XCR1: variants seen among roughly 807,000 people sequenced by gnomAD.
XCR1 encodes chemokine XC receptor 1.
For missense variants in XCR1, 356 were observed against 424.2 expected (o/e 0.84, Z 1.41); for synonymous variants, 187 against 188.5 (o/e 0.99, Z 0.06).
At chr3:46,081,457 C>A (rs1480887566) in intron 1 of XCR1, among the ~76,000 whole-genome samples, 1 of 152,216 alleles carries the variant, frequency 6.6e-6, no homozygotes, top group Non-Finnish European at 1.5e-5. Context: ...CTGCCACAGT[C>A]TCAGAATACT....
At chr3:46,044,206 C>T (rs1697585100) in intron 5 of XCR1, among the ~76,000 whole-genome samples, 1 of 152,046 alleles carries the variant, frequency 6.6e-6, no homozygotes, top group African/African-American at 2.4e-5. Context: ...ATGTTGGTCT[C>T]AAACACCTGA....
intron 5 of XCR1, among the ~76,000 whole-genome samples, chr3:46,052,300 T>G (rs1460018930): frequency 6.6e-6 from 1 of 152,174 alleles, no homozygotes; most frequent in African/African-American, 2.4e-5. Flanking sequence ...AACCCATGCC[T>G]GAAACGGGGT....
chr3:46,035,100 GCT>G (rs1697398510), intron 5 of XCR1, among the ~76,000 whole-genome samples: 1 of 152,016 alleles, frequency 6.6e-6, no homozygotes, highest in Non-Finnish European at 1.5e-5. Flanking sequence ...GATTACAGGT[GCT>G]CACCACCACA....
chr3:46,051,093 CGGA>C (rs1327592245), intron 5 of XCR1, among the ~76,000 whole-genome samples: 1 of 152,124 alleles, frequency 6.6e-6, no homozygotes, highest in Non-Finnish European at 1.5e-5. Context: ...AGGGCTTAGG[CGGA>C]GGAGAAATAT....
chr3:46,042,186 A>C (rs574510946), intron 5 of XCR1, among the ~76,000 whole-genome samples: 1 of 152,230 alleles, frequency 6.6e-6, no homozygotes, highest in Non-Finnish European at 1.5e-5. Context: ...GCTCAGAGGG[A>C]AATTTATACT....
At chr3:46,024,561 T>C (rs1313229021) in intron 1 of XCR1, among the ~76,000 whole-genome samples, 1 of 152,244 alleles carries the variant, frequency 6.6e-6, no homozygotes, top group Non-Finnish European at 1.5e-5. Flanking sequence ...AAAACCTAAA[T>C]AATATGGTGG....
At chr3:46,073,672 T>G (rs1009832984) in intron 3 of XCR1, among the ~76,000 whole-genome samples, 1 of 152,108 alleles carries the variant, frequency 6.6e-6, no homozygotes, top group African/African-American at 2.4e-5. Context: ...TTGCGACTTA[T>G]GCATCTGACA....
chr3:46,053,075 A>T (rs1168657429), intron 5 of XCR1, among the ~76,000 whole-genome samples: 2 of 152,190 alleles, frequency 1.3e-5, no homozygotes, highest in Non-Finnish European at 2.9e-5. Flanking sequence ...GTCTGCACCC[A>T]GTTCTTGCCA....
intron 3 of XCR1, among the ~76,000 whole-genome samples, chr3:46,068,421 G>T (rs1385699271): frequency 6.6e-6 from 1 of 152,026 alleles, no homozygotes; most frequent in South Asian, 2.1e-4. Context: ...CCTTTCCATT[G>T]TTATGTTAAA....
chr3:46,023,396 A>C (rs1708207553), intron 1 of XCR1: 1 of 1,470,328 alleles, frequency 6.8e-7, no homozygotes, highest in Non-Finnish European at 9.5e-7. Flanking sequence ...ATTTCTTGTC[A>C]CAAAAAGGCT....
chr3:46,029,794 G>A (rs971877209), upstream of XCR1, among the ~76,000 whole-genome samples: 1 of 152,066 alleles, frequency 6.6e-6, no homozygotes, highest in Non-Finnish European at 1.5e-5. Context: ...CTTCCAATCC[G>A]GGAACACTGA....
At chr3:46,051,746 G>T (rs1401016558) in intron 5 of XCR1, among the ~76,000 whole-genome samples, 1 of 152,204 alleles carries the variant, frequency 6.6e-6, no homozygotes, top group Non-Finnish European at 1.5e-5. Flanking sequence ...ACTTGAATTG[G>T]CTGGGAGCGG....
At chr3:46,023,179 G>C in intron 1 of XCR1, 1 of 446,510 alleles carries the variant, frequency 2.2e-6, no homozygotes, top group Non-Finnish European at 3.9e-6. Flanking sequence ...TGAGGAGGAA[G>C]TGGAGAGATT....
intron 5 of XCR1, among the ~76,000 whole-genome samples, chr3:46,043,019 TA>T (rs1333137445): frequency 1.4e-5 from 2 of 146,224 alleles, no homozygotes; most frequent in Admixed American, 6.6e-5. Flanking sequence ...TGGTTCAATA[TA>T]AAAAAATCAA....
chr3:46,032,179 C>A (rs1003538251), upstream of XCR1, among the ~76,000 whole-genome samples: 2 of 152,244 alleles, frequency 1.3e-5, no homozygotes, highest in Non-Finnish European at 2.9e-5. Context: ...CCCCTGCTTG[C>A]CATATGGGCG....
At chr3:46,053,953 G>A (rs1190067057) in exon 5 of XCR1, among the ~76,000 whole-genome samples, 1 of 151,730 alleles carries the variant, frequency 6.6e-6, no homozygotes, top group Admixed American at 6.6e-5. Context: ...GACTCATCCC[G>A]GGCTCCCTGT....
intron 5 of XCR1, among the ~76,000 whole-genome samples, chr3:46,047,663 T>C (rs1035958862): frequency 1.3e-5 from 2 of 152,194 alleles, no homozygotes; most frequent in African/African-American, 2.4e-5. Context: ...CTTTCCTTCC[T>C]AGATAATGCC....
chr3:46,062,056 G>A lies in XCR1; in HGVS notation c.-183+4843C>T, dbSNP rs577983550. On this transcript the variant is annotated intron_variant, in intron 4 of 5. Coordinates refer to the XCR1 transcript ENST00000683768. Reference sequence around the variant, plus strand: ...GAGGTGTCAGCCAGACTCCAATTTGGACAGTGCCCATTACATACAGAAGAC... The same window carrying A: ...GAGGTGTCAGCCAGACTCCAATTTGAACAGTGCCCATTACATACAGAAGAC... 8.5e-5 allele frequency among the ~76,000 whole-genome samples: 13 copies of A among 152,274 alleles called. 1 individual carries two copies. The highest frequency in any genetic ancestry group is 8.5e-4 in the Admixed American group (13 of 15,300).
At chr3:46,051,474 A>G (rs886253128) in intron 5 of XCR1, among the ~76,000 whole-genome samples, 1 of 152,162 alleles carries the variant, frequency 6.6e-6, no homozygotes, top group Non-Finnish European at 1.5e-5. Flanking sequence ...ATGGGGGCCA[A>G]TTGTCTTTAG....
Sources: allele counts gnomAD v4.1 joint callset (sites outside exome capture counted in the v4.1 genomes callset), GRCh38; gene constraint gnomAD v4.1.1; transcripts MANE v1.5; gene names NCBI Gene and HGNC (gene_info 2026-07-23, HGNC 2026-07-21).